Variants in ATP2B4 observed in about 807,000 individuals in gnomAD.
ATP2B4 encodes plasma membrane calcium-transporting ATPase 4.
Under a neutral mutation model 110.3 loss-of-function variants are expected in ATP2B4, and 39 were observed. That is an observed-to-expected ratio of 0.35 (90% CI 0.27 to 0.46). The LOEUF (loss-of-function observed/expected upper bound fraction) is 0.46. ATP2B4 is among the 20% of genes least tolerant of loss of function. The pLI is 1.00. For synonymous variants in ATP2B4, 538 were observed against 571.7 expected (o/e 0.94, Z 0.84); for missense variants, 1,135 against 1,530.9 (o/e 0.74, Z 4.32).
At chr1:203,733,520 C>T (rs1259611965) in intron 20 of ATP2B4, 1 of 1,100,596 alleles carries the variant, frequency 9.1e-7, no homozygotes, top group Non-Finnish European at 1.2e-6. Flanking sequence ...GATATTTTGA[C>T]TTAAGGGAAG....
intron 2 of ATP2B4, among the ~76,000 whole-genome samples, chr1:203,684,074 G>A (rs1236107733): frequency 6.6e-6 from 1 of 152,096 alleles, no homozygotes; most frequent in Admixed American, 6.5e-5. Context: ...AAATAATCAA[G>A]TCTGTTCTTC....
intron 1 of ATP2B4, among the ~76,000 whole-genome samples, chr1:203,650,613 G>A (rs1663954844): frequency 6.6e-6 from 1 of 152,224 alleles, no homozygotes; most frequent in African/African-American, 2.4e-5. Context: ...CAGAGGCCGG[G>A]GGAGCTGCAG....
chr1:203,699,191 A>G lies in ATP2B4; in HGVS notation c.392-269A>G, dbSNP rs149674486. 1.8e-3 allele frequency among the ~76,000 whole-genome samples: 271 copies of G among 152,298 alleles called. 3 individuals carry two copies. The highest frequency in any genetic ancestry group is 6.2e-3 in the African/African-American group (256 of 41,562). ...AAAGCCTGACCATGTTGGGAACCATAAGTGTGACCTTACATGTGACTTCCC... is the reference window on the plus strand; with the variant it reads ...AAAGCCTGACCATGTTGGGAACCATGAGTGTGACCTTACATGTGACTTCCC... On this transcript the variant is annotated intron_variant, in intron 3 of 20. Coordinates refer to ENST00000357681, the MANE Select transcript of ATP2B4 (RefSeq NM_001684.5).
intron 1 of ATP2B4, among the ~76,000 whole-genome samples, chr1:203,648,803 G>T (rs1418461408): frequency 7.2e-5 from 11 of 152,206 alleles, no homozygotes; most frequent in South Asian, 4.1e-4. Context: ...GAAAAATGGA[G>T]AGAGATGCTT....
intron 15 of ATP2B4, 133 bp from the exon 16 acceptor site, chr1:203,720,416 G>C (rs1034339676): frequency 4.7e-6 from 4 of 845,202 alleles, no homozygotes; most frequent in Admixed American, 6.5e-5. Context: ...TGACACATTT[G>C]CTCTTTGTTT....
intron 8 of ATP2B4, among the ~76,000 whole-genome samples, chr1:203,705,407 G>T (rs1467539758): frequency 6.6e-6 from 1 of 152,122 alleles, no homozygotes; most frequent in Non-Finnish European, 1.5e-5. Flanking sequence ...GTTGTTGTTT[G>T]TTTGTTTTTG....
chr1:203,703,922 T>G (rs2102390983), intron 8 of ATP2B4, 109 bp downstream of exon 8: 2 of 1,391,574 alleles, frequency 1.4e-6, no homozygotes, highest in East Asian at 5.0e-5. Context: ...AAGCTGAAAC[T>G]TCAGGGTGGC....
At chr1:203,631,626 G>A (rs1663268768) in intron 1 of ATP2B4, among the ~76,000 whole-genome samples, 1 of 152,162 alleles carries the variant, frequency 6.6e-6, no homozygotes, top group Non-Finnish European at 1.5e-5. Flanking sequence ...TCCGTGCTGG[G>A]CGCTGGGAGT....
chr1:203,691,085 G>A (rs1665359589), intron 2 of ATP2B4, among the ~76,000 whole-genome samples: 1 of 152,154 alleles, frequency 6.6e-6, no homozygotes. Context: ...CTGTCATAAT[G>A]CTGTCCAGCT....
intron 7 of ATP2B4, 86 bp from the exon 8 acceptor site, chr1:203,703,566 C>T: frequency 6.8e-7 from 1 of 1,466,496 alleles, no homozygotes; most frequent in Non-Finnish European, 9.3e-7. Flanking sequence ...GGGAAAGAGA[C>T]AGGAAGGTTT....
chr1:203,693,647 C>G (rs887456882), intron 2 of ATP2B4, among the ~76,000 whole-genome samples: 15 of 152,246 alleles, frequency 9.9e-5, no homozygotes, highest in Middle Eastern at 6.8e-3. Context: ...CTCTGATGAA[C>G]CTGATGGCGA....
chr1:203,659,852 G>A (rs140159783), intron 1 of ATP2B4, among the ~76,000 whole-genome samples: 15 of 152,196 alleles, frequency 9.9e-5, no homozygotes, highest in African/African-American at 2.6e-4. Flanking sequence ...GGGAGGCCAA[G>A]GCAGGTGGAT....
At chr1:203,701,923 C>T in intron 6 of ATP2B4, 121 bp from the exon 7 acceptor site, 1 of 961,766 alleles carries the variant, frequency 1.0e-6, no homozygotes, top group Non-Finnish European at 1.6e-6. Flanking sequence ...ATTTATGTCC[C>T]TTCCCTGCAA....
At chr1:203,720,818 T>TGTGTGTGTGTGTGTGTG in intron 16 of ATP2B4, 78 bp downstream of exon 16, 1 of 1,471,998 alleles carries the variant, frequency 6.8e-7, no homozygotes, top group Non-Finnish European at 9.2e-7. Flanking sequence ...CTACGGTGTG[T>TGTGTGTGTGTGTGTGTG]TTACTGAAGA....
chr1:203,734,406 GTTTAAAAATCA>G (rs1571781164), intron 20 of ATP2B4, among the ~76,000 whole-genome samples: 1 of 152,086 alleles, frequency 6.6e-6, no homozygotes, highest in African/African-American at 2.4e-5. Context: ...TGGGACTCCG[GTTTAAAAATCA>G]GTTAATCTTG....
At chr1:203,684,959 A>T (rs1665137862) in intron 2 of ATP2B4, among the ~76,000 whole-genome samples, 1 of 152,006 alleles carries the variant, frequency 6.6e-6, no homozygotes, top group South Asian at 2.1e-4. Context: ...CACCTCCTGG[A>T]TTCAAGCAAT....
At chr1:203,638,252 G>C (rs932715749) in intron 1 of ATP2B4, among the ~76,000 whole-genome samples, 5 of 152,204 alleles carry the variant, frequency 3.3e-5, no homozygotes, top group Admixed American at 2.0e-4. Flanking sequence ...AAGGCCTCCA[G>C]CCTTTGTCTG....
intron 1 of ATP2B4, 106 bp from the exon 2 acceptor site, chr1:203,682,636 C>T (rs1665049811): frequency 6.6e-6 from 1 of 152,464 alleles, no homozygotes; most frequent in Non-Finnish European, 1.5e-5. Context: ...TCAACTGTCA[C>T]TTAAACCCTT....
At chr1:203,708,394 T>C (rs1665911170) in intron 10 of ATP2B4, among the ~76,000 whole-genome samples, 1 of 152,170 alleles carries the variant, frequency 6.6e-6, no homozygotes, top group Admixed American at 6.5e-5. Flanking sequence ...AAAGTAGAAT[T>C]GGGCTTATCA....
Sources: allele counts gnomAD v4.1 joint callset (sites outside exome capture counted in the v4.1 genomes callset), GRCh38; gene constraint gnomAD v4.1.1; transcripts MANE v1.5; gene names NCBI Gene and HGNC (gene_info 2026-07-23, HGNC 2026-07-21).